Variants in SLC9A7 observed in about 807,000 individuals in gnomAD.
SLC9A7 encodes the protein sodium/hydrogen exchanger 7.
A neutral mutation model predicts 52.6 loss-of-function variants in SLC9A7; 19 were observed. The observed-to-expected ratio is 0.36, with a 90% CI of 0.25 to 0.53. The LOEUF is 0.53. Among genes scored for constraint, SLC9A7 ranks in the 20% least tolerant of loss-of-function variants. The pLI is 0.91. For synonymous variants in SLC9A7, 226 were observed against 252.1 expected, an observed-to-expected ratio of 0.90 and a Z score of 0.98; for missense variants, 455 against 597.9, an observed-to-expected ratio of 0.76 and a Z score of 2.49.
At chrX:46,696,600 C>T (rs1230452818) in intron 1 of SLC9A7, among the ~76,000 whole-genome samples, 1 of 111,310 alleles carries the variant, frequency 9.0e-6, no homozygotes, top group Non-Finnish European at 1.9e-5. Flanking sequence ...TTTCTTCATT[C>T]GTGCATGCAT....
intron 13 of SLC9A7, 90 bp from the exon 14 acceptor site, chrX:46,631,739 G>T: frequency 1.5e-6 from 1 of 668,558 alleles, no homozygotes; most frequent in Non-Finnish European, 2.4e-6. Flanking sequence ...TAGCCTGGAG[G>T]CTAATCATCT....
At chrX:46,678,617 T>C (rs753066361) in intron 3 of SLC9A7, among the ~76,000 whole-genome samples, 4 of 108,967 alleles carry the variant, frequency 3.7e-5, no homozygotes, top group South Asian at 3.9e-4. Flanking sequence ...TTTTGCTTTT[T>C]GTAGAGGCAG....
At chrX:46,657,079 A>C (rs1339741846) in intron 7 of SLC9A7, among the ~76,000 whole-genome samples, 1 of 108,660 alleles carries the variant, frequency 9.2e-6, no homozygotes, top group Non-Finnish European at 1.9e-5. Flanking sequence ...AACATTCTTA[A>C]AGAAAAGAAT....
At chrX:46,690,514 T>C (rs1033314097) in intron 1 of SLC9A7, among the ~76,000 whole-genome samples, 1 of 112,154 alleles carries the variant, frequency 8.9e-6, no homozygotes, top group African/African-American at 3.2e-5. Flanking sequence ...ACAAGTCCTT[T>C]GTCAGATATA....
Position 46,617,649 on chromosome X carries a change from T to TAG in SLC9A7, c.1823+3327_1823+3328insCT, listed in dbSNP as rs778597074. On this transcript the variant is annotated intron_variant, in intron 15 of 16. Coordinates refer to ENST00000616978, the MANE Select transcript of SLC9A7 (RefSeq NM_001257291.2). ...CATCTGGACAAATTGGCTCAAGACT[T>TAG]ACCTTTGTCTTACATTACAGTTTTC... Among the ~76,000 whole-genome samples the TAG allele has an allele frequency of 5.1e-4, 57 of 112,640 alleles. No individual in the cohort carries two copies. The East Asian group carries it at 0.014, about 27-fold the overall frequency.
At chrX:46,749,966 A>ACCAT (rs1922115161) in intron 1 of SLC9A7, among the ~76,000 whole-genome samples, 1 of 110,259 alleles carries the variant, frequency 9.1e-6, no homozygotes, top group South Asian at 3.9e-4. Flanking sequence ...CTGTAATCCC[A>ACCAT]GCTAGTCGGG....
In SLC9A7 at chrX:46,607,004, T is replaced by C; in HGVS notation, c.2129A>G (p.Lys710Arg). 1 of 1,211,332 alleles carries C rather than the reference T, an allele frequency of 8.3e-7. No homozygotes were observed. Among genetic ancestry groups the C allele is most frequent in the Non-Finnish European group, 1.1e-6 (1 of 895,405 alleles). ...TAGGCGGGTGCCCCGGCTCGAAACC[T>C]TCTGGTCTCCCATTCCCAGGTCTCG... Reference protein sequence around the residue: ...LERDLGMGDQKVSSRGTRLVF... With the variant: ...LERDLGMGDQRVSSRGTRLVF... The change falls in exon 17 of 17, where the codon AAG (lysine) becomes AGG (arginine). Residue 710 changes from lysine (K) to arginine (R), a missense_variant. Lys to Arg is a conservative substitution (Grantham distance 26). Around this residue, in one of 3 missense-constraint regions of SLC9A7, gnomAD observed 146 missense variants for 160.5 expected, o/e 0.91. Transcript: ENST00000616978.
In SLC9A7 at chrX:46,631,890, C is replaced by T. The variant is rs994229754; in HGVS notation, c.1677-241G>A. Among the ~76,000 whole-genome samples the T allele has an allele frequency of 6.3e-5, 7 of 111,770 alleles. No homozygotes were observed. In the East Asian group the frequency reaches 1.4e-3, roughly 22 times the overall value. On this transcript the variant is annotated intron_variant, in intron 13 of 16. Coordinates refer to ENST00000616978, the MANE Select transcript of SLC9A7 (RefSeq NM_001257291.2). ...CATGTGCTCACACTCTAAGCAAGGC[C>T]GCCGGAACACAACACATGCTGGCAA...
chrX:46,728,661 A>G (rs1182955756), intron 1 of SLC9A7, among the ~76,000 whole-genome samples: 2 of 112,130 alleles, frequency 1.8e-5, no homozygotes, highest in Non-Finnish European at 3.8e-5. Context: ...AGAAATGAAA[A>G]CCCATGCTCA....
chrX:46,719,343 A>G (rs1479828018), intron 1 of SLC9A7, among the ~76,000 whole-genome samples: 1 of 109,257 alleles, frequency 9.2e-6, no homozygotes, highest in African/African-American at 3.3e-5. Context: ...CACCTAACGT[A>G]AATGACGAGT....
chrX:46,643,477 ACT>A (rs1943439572), intron 11 of SLC9A7, 88 bp from the exon 12 acceptor site: 1 of 939,705 alleles, frequency 1.1e-6, no homozygotes, highest in South Asian at 2.5e-5. Flanking sequence ...GGGCTAATAA[ACT>A]CTATTCATTC....
At chrX:46,634,312 G>A (rs1299029554) in intron 13 of SLC9A7, among the ~76,000 whole-genome samples, 1 of 111,210 alleles carries the variant, frequency 9.0e-6, no homozygotes, top group East Asian at 2.8e-4. Flanking sequence ...TGCTCATTCT[G>A]GAATGAATAA....
At chrX:46,625,085 T>A (rs1356177210) in intron 14 of SLC9A7, among the ~76,000 whole-genome samples, 2 of 111,974 alleles carry the variant, frequency 1.8e-5, no homozygotes, top group African/African-American at 6.5e-5. Flanking sequence ...GAAAGCTGAT[T>A]AAAGAACTGG....
At chrX:46,748,188 A>G (rs1447322594) in intron 1 of SLC9A7, among the ~76,000 whole-genome samples, 1 of 110,247 alleles carries the variant, frequency 9.1e-6, no homozygotes, top group East Asian at 2.8e-4. Context: ...CTCTACTAAA[A>G]ATACAAAATT....
intron 12 of SLC9A7, 26 bp downstream of exon 12, chrX:46,643,210 T>G (rs1468516447): frequency 1.7e-6 from 2 of 1,183,230 alleles, no homozygotes; most frequent in Admixed American, 2.2e-5. Context: ...ACTGACATAC[T>G]CAATTAGCCT....
At chrX:46,746,049 G>T (rs1921744731) in intron 1 of SLC9A7, among the ~76,000 whole-genome samples, 1 of 108,567 alleles carries the variant, frequency 9.2e-6, no homozygotes, top group South Asian at 3.9e-4. Flanking sequence ...AACAGGTCGG[G>T]CGCAGTGGCT....
intron 1 of SLC9A7, among the ~76,000 whole-genome samples, chrX:46,722,457 T>C (rs1173775419): frequency 8.9e-6 from 1 of 112,356 alleles, no homozygotes; most frequent in Non-Finnish European, 1.9e-5. Context: ...GAGTTCTTCA[T>C]GTACAAGTAA....
chrX:46,728,552 A>C (rs1024181505), intron 1 of SLC9A7, among the ~76,000 whole-genome samples: 2 of 112,459 alleles, frequency 1.8e-5, no homozygotes, highest in Non-Finnish European at 1.9e-5. Flanking sequence ...ATGGAAATGA[A>C]AAATGTTCAG....
At chrX:46,629,552 G>A (rs771023839) in intron 14 of SLC9A7, among the ~76,000 whole-genome samples, 1 of 111,928 alleles carries the variant, frequency 8.9e-6, no homozygotes, top group Admixed American at 9.4e-5. Context: ...CTTATTTCCT[G>A]TTACAGATGC....
Sources: gnomAD v4.1 joint callset for allele counts (sites outside exome capture counted in the v4.1 genomes callset) on GRCh38, gnomAD v4.1.1 for gene constraint, gnomAD v4.1.1 regional missense constraint, MANE v1.5 for transcripts, NCBI Gene and HGNC (gene_info 2026-07-23, HGNC 2026-07-21) for gene names.